INPP4A: variants seen among roughly 807,000 people sequenced by gnomAD.
The protein encoded by INPP4A is inositol polyphosphate-4-phosphatase type I A.
A neutral mutation model predicts 119.8 loss-of-function variants in INPP4A; 33 were observed. The ratio of observed to expected loss-of-function variants is 0.28; its 90% confidence interval spans 0.21 to 0.37. The LOEUF is 0.37. Among genes scored for constraint, INPP4A ranks in the 10% least tolerant of loss-of-function variants. INPP4A has a pLI of 1.00. For synonymous variants in INPP4A, 496 were observed against 500.7 expected (o/e 0.99, Z 0.12); for missense variants, 956 against 1,289.9 (o/e 0.74, Z 3.97).
chr2:98,495,736 G>A (rs1425219702), intron 1 of INPP4A, among the ~76,000 whole-genome samples: 3 of 152,186 alleles, frequency 2.0e-5, no homozygotes, highest in African/African-American at 7.2e-5. Flanking sequence ...TTAAGATAAG[G>A]GGTTGTGGAG....
chr2:98,590,348 A>G lies in INPP4A; in HGVS notation c.*2740A>G. ...TTGAAGCAGAGGGGCAACAGCGTTG[A>G]GGTTAAGAGCACGGACTTTGGGAGC... On this transcript the variant is annotated 3_prime_UTR_variant, in exon 25 of 25. Coordinates refer to ENST00000409851, the MANE Select transcript of INPP4A (RefSeq NM_001134225.2). 5.3e-6 allele frequency: 1 copy of G among 187,492 alleles called. No individual in the cohort carries two copies. The highest frequency in any genetic ancestry group is 8.5e-5 in the East Asian group (1 of 11,704). The allele number at this position is 187,492 out of a possible 1,614,324, so 11.6% of individuals were successfully genotyped here.
At chr2:98,585,478 G>A (rs1258608404) in intron 24 of INPP4A, among the ~76,000 whole-genome samples, 3 of 152,190 alleles carry the variant, frequency 2.0e-5, no homozygotes, top group African/African-American at 7.2e-5. Context: ...ATGTACCATT[G>A]GTTCCTAAAA....
chr2:98,572,804 T>A lies in INPP4A; in HGVS notation c.2519-11T>A, dbSNP rs772751237. 5.1e-5 allele frequency: 79 copies of A among 1,542,032 alleles called. 1 individual carries two copies. In the Middle Eastern group the frequency reaches 5.6e-4, roughly 11 times the overall value. ...CGTCACCCACTCCCACGAACTCCTT[T>A]TCTCTTCCAGGCCTGCCTCGGTCTC... On this transcript the variant is annotated splice_polypyrimidine_tract_variant and intron_variant, in intron 22 of 24. Transcript: ENST00000409851.
In INPP4A at chr2:98,540,080, C is replaced by T. The variant is rs551813762; in HGVS notation, c.818+405C>T. On this transcript the variant is annotated intron_variant, in intron 10 of 24. Transcript: ENST00000409851. Reference sequence around the variant, plus strand: ...TGAAGTAGCTGAGATTACAGGTGTGCGCCACCAGGCCTGGCTAATTTTTGT... The same window carrying T: ...TGAAGTAGCTGAGATTACAGGTGTGTGCCACCAGGCCTGGCTAATTTTTGT... Among the ~76,000 whole-genome samples, 22 of 152,108 alleles carry T rather than the reference C, an allele frequency of 1.4e-4. No individual in the cohort carries two copies. The South Asian group carries it at 2.1e-3, about 14-fold the overall frequency.
chr2:98,451,290 G>A (rs1695177033), intron 1 of INPP4A, among the ~76,000 whole-genome samples: 1 of 152,150 alleles, frequency 6.6e-6, no homozygotes, highest in Non-Finnish European at 1.5e-5. Flanking sequence ...TATGAAACTT[G>A]TTCAGTGAGG....
intron 3 of INPP4A, among the ~76,000 whole-genome samples, chr2:98,520,444 C>T (rs1686966994): frequency 6.6e-6 from 1 of 152,204 alleles, no homozygotes; most frequent in African/African-American, 2.4e-5. Context: ...GGCCCATGCC[C>T]AGGCCATGGT....
At chr2:98,476,262 G>C (rs1210760286) in intron 1 of INPP4A, among the ~76,000 whole-genome samples, 1 of 152,198 alleles carries the variant, frequency 6.6e-6, no homozygotes, top group Non-Finnish European at 1.5e-5. Flanking sequence ...GCCAGGTGTT[G>C]CCAGGACACA....
chr2:98,491,296 T>C (rs1680706518), intron 1 of INPP4A, among the ~76,000 whole-genome samples: 1 of 152,126 alleles, frequency 6.6e-6, no homozygotes, highest in Admixed American at 6.5e-5. Flanking sequence ...GACCCGAGGG[T>C]CTCATGAGCA....
chr2:98,576,268 C>A (rs941591127), intron 23 of INPP4A, among the ~76,000 whole-genome samples: 1 of 152,096 alleles, frequency 6.6e-6, no homozygotes, highest in African/African-American at 2.4e-5. Flanking sequence ...GGGAAAATGC[C>A]CTGAAATCTC....
chr2:98,543,055 G>A (rs1158788933), intron 10 of INPP4A, among the ~76,000 whole-genome samples: 3 of 152,136 alleles, frequency 2.0e-5, no homozygotes, highest in Non-Finnish European at 2.9e-5. Flanking sequence ...AAGTAGCTGG[G>A]ACTACAGGCG....
intron 1 of INPP4A, among the ~76,000 whole-genome samples, chr2:98,455,114 G>A (rs575490574): frequency 3.3e-5 from 5 of 152,270 alleles, no homozygotes; most frequent in African/African-American, 7.2e-5. Context: ...CAAGGCAGGA[G>A]GATCTCTTGA....
rs1385932163 is a variant in INPP4A, at chr2:98,590,129, C to T, written c.*2521C>T. The T allele has an allele frequency of 5.1e-6, 1 of 196,886 alleles. No individual in the cohort carries two copies. Among genetic ancestry groups the T allele is most frequent in the Admixed American group, 6.1e-5 (1 of 16,472 alleles). The allele number at this position is 196,886 out of a possible 1,614,324, so 12.2% of individuals were successfully genotyped here. A position where few individuals can be genotyped will look rare whatever the true frequency, so the allele number is the denominator to read the frequency against. ...AAATGTGCTAGTCTTTAGAATGACA[C>T]ATAATAAATAACTGACAAGATATTA... On this transcript the variant is annotated 3_prime_UTR_variant, in exon 25 of 25. Coordinates refer to ENST00000409851, the MANE Select transcript of INPP4A (RefSeq NM_001134225.2).
intron 1 of INPP4A, among the ~76,000 whole-genome samples, chr2:98,497,558 A>G (rs898753818): frequency 6.6e-6 from 1 of 152,238 alleles, no homozygotes; most frequent in Non-Finnish European, 1.5e-5. Context: ...CTTTTGGGAA[A>G]TGTCTATTCA....
At chr2:98,451,399 A>G (rs1376934141) in intron 1 of INPP4A, among the ~76,000 whole-genome samples, 2 of 152,152 alleles carry the variant, frequency 1.3e-5, no homozygotes, top group Non-Finnish European at 2.9e-5. Context: ...GAATAGGGTC[A>G]GGAAGACAGG....
At chr2:98,531,241 TAAA>T (rs1689153719) in intron 4 of INPP4A, among the ~76,000 whole-genome samples, 1 of 152,020 alleles carries the variant, frequency 6.6e-6, no homozygotes, top group Admixed American at 6.5e-5. Context: ...TAACACTAGG[TAAA>T]GAAGAATAAG....
Position 98,537,961 on chromosome 2 carries a change from C to T in INPP4A, c.566C>T (p.Thr189Ile), listed in dbSNP as rs749788333. ...CCCCCTGTGACCCGGTCTGTGGACA[C>T]TGTCAATGGGAGGGTGAGTTACACC... ...QRPPVTRSVD[T>I]VNGRMVLPVD... The change falls in exon 8 of 25, where the codon ACT becomes ATT. Residue 189 changes from threonine to isoleucine, a missense_variant. Thr to Ile is a moderately conservative substitution (Grantham distance 89, BLOSUM62 -1). Around this residue, in one of 2 missense-constraint regions of INPP4A, gnomAD observed 652 missense variants for 797.9 expected, o/e 0.82. Coordinates refer to ENST00000409851, the MANE Select transcript of INPP4A (RefSeq NM_001134225.2). The T allele has an allele frequency of 2.5e-6, 4 of 1,607,398 alleles. No individual in the cohort carries two copies. The highest frequency in any genetic ancestry group is 1.1e-5 in the South Asian group (1 of 90,086).
At chr2:98,548,714 A>G (rs1692936222) in intron 13 of INPP4A, among the ~76,000 whole-genome samples, 1 of 152,156 alleles carries the variant, frequency 6.6e-6, no homozygotes, top group Non-Finnish European at 1.5e-5. Flanking sequence ...CTTTCCTTTA[A>G]ATGCGGAGGT....
chr2:98,521,424 G>C (rs1419018413), intron 4 of INPP4A: 1 of 152,238 alleles, frequency 6.6e-6, no homozygotes, highest in East Asian at 1.9e-4. Context: ...CATAAAAGAG[G>C]CACCTCCTGG....
At chr2:98,560,875 A>G (rs555451215) in intron 17 of INPP4A, among the ~76,000 whole-genome samples, 96 of 152,312 alleles carry the variant, frequency 6.3e-4, no homozygotes, top group African/African-American at 2.1e-3. Flanking sequence ...ACTAATGGGA[A>G]GTCTCATGGG....
Sources: gnomAD v4.1 joint callset for allele counts (sites outside exome capture counted in the v4.1 genomes callset) on GRCh38, gnomAD v4.1.1 for gene constraint, gnomAD v4.1.1 regional missense constraint, MANE v1.5 for transcripts, NCBI Gene and HGNC (gene_info 2026-07-23, HGNC 2026-07-21) for gene names.